Variants in GABRB2 observed in about 807,000 individuals in gnomAD.
The protein encoded by GABRB2 is gamma-aminobutyric acid type A receptor subunit beta2, also known as gamma-aminobutyric acid receptor subunit beta-2.
GABRB2 carries 16 observed loss-of-function variants against 54.7 expected under a neutral mutation model. The ratio of observed to expected loss-of-function variants is 0.29; its 90% CI spans 0.20 to 0.44. The LOEUF is 0.44. Ranked by LOEUF, GABRB2 falls within the 20% of genes least tolerant of loss-of-function variation. GABRB2 has a pLI of 1.00. For synonymous variants in GABRB2, 244 were observed against 233.8 expected (o/e 1.04, Z -0.40); for missense variants, 355 against 644.0 (o/e 0.55, Z 4.86).
At chr5:161,442,292 A>C (rs1167377623) in intron 4 of GABRB2, among the ~76,000 whole-genome samples, 2 of 152,226 alleles carry the variant, frequency 1.3e-5, no homozygotes, top group East Asian at 3.9e-4. Flanking sequence ...TTGAATAAGC[A>C]TATGAATGAA....
intron 3 of GABRB2, among the ~76,000 whole-genome samples, chr5:161,467,887 G>A (rs1159755049): frequency 6.6e-6 from 1 of 152,030 alleles, no homozygotes; most frequent in African/African-American, 2.4e-5. Flanking sequence ...AACTACAATT[G>A]CCTCTTACGT....
chr5:161,342,775 A>G (rs1754209938), intron 5 of GABRB2, among the ~76,000 whole-genome samples: 1 of 152,062 alleles, frequency 6.6e-6, no homozygotes, highest in Non-Finnish European at 1.5e-5. Context: ...TCTGATTTTT[A>G]GTGGGTTAAC....
chr5:161,443,842 A>G (rs778642894), intron 4 of GABRB2, among the ~76,000 whole-genome samples: 1 of 152,186 alleles, frequency 6.6e-6, no homozygotes, highest in South Asian at 2.1e-4. Flanking sequence ...TGAGTAGAGC[A>G]GTAATTTAGG....
chr5:161,417,256 C>T (rs979807409), intron 4 of GABRB2, among the ~76,000 whole-genome samples: 4 of 152,208 alleles, frequency 2.6e-5, no homozygotes, highest in Non-Finnish European at 4.4e-5. Context: ...CACTTTGGCA[C>T]TCTCACTAAT....
intron 5 of GABRB2, among the ~76,000 whole-genome samples, chr5:161,390,080 A>T (rs1353035225): frequency 6.6e-6 from 1 of 152,064 alleles, no homozygotes; most frequent in Non-Finnish European, 1.5e-5. Flanking sequence ...AGAAAGTGTG[A>T]AATCAATTTG....
At chr5:161,402,989 C>T (rs961381511) in intron 5 of GABRB2, among the ~76,000 whole-genome samples, 1 of 152,122 alleles carries the variant, frequency 6.6e-6, no homozygotes, top group South Asian at 2.1e-4. Context: ...TAATATGCAG[C>T]AAGGTTGAGA....
chr5:161,502,862 G>A lies in GABRB2; in HGVS notation c.237+42365C>T, dbSNP rs115014543. ...GAAGAAACTACAGAAATCTCCATAA[G>A]GTTTTTTCATTGAGACATGGCCAAA... On this transcript the variant is annotated intron_variant, in intron 3 of 9. Transcript: ENST00000393959. Among the ~76,000 whole-genome samples the A allele has an allele frequency of 6.2e-3, 947 of 152,280 alleles. 11 individuals carry two copies. The highest frequency in any genetic ancestry group is 0.021 in the African/African-American group (864 of 41,566).
intron 3 of GABRB2, among the ~76,000 whole-genome samples, chr5:161,472,166 T>C (rs185372487): frequency 2.0e-5 from 3 of 151,974 alleles, no homozygotes; most frequent in Non-Finnish European, 4.4e-5. Context: ...TTAATGTTTG[T>C]TATTATTATT....
At chr5:161,522,397 A>G (rs1295070017) in intron 3 of GABRB2, among the ~76,000 whole-genome samples, 1 of 151,808 alleles carries the variant, frequency 6.6e-6, no homozygotes, top group East Asian at 1.9e-4. Flanking sequence ...ATACCTCTAA[A>G]GCACTACAGA....
At chr5:161,458,550 G>C (rs936764382) in intron 4 of GABRB2, among the ~76,000 whole-genome samples, 1 of 152,214 alleles carries the variant, frequency 6.6e-6, no homozygotes, top group Non-Finnish European at 1.5e-5. Context: ...AAATAAAAAT[G>C]AGATAGAATA....
chr5:161,385,965 TG>T (rs1755618506), intron 5 of GABRB2, among the ~76,000 whole-genome samples: 1 of 149,090 alleles, frequency 6.7e-6, no homozygotes, highest in African/African-American at 2.5e-5. Flanking sequence ...TGTGTGTGTG[TG>T]TGTGTGTGTG....
At chr5:161,507,488 G>A (rs1012905746) in intron 3 of GABRB2, among the ~76,000 whole-genome samples, 4 of 152,044 alleles carry the variant, frequency 2.6e-5, no homozygotes, top group African/African-American at 9.7e-5. Context: ...TAAAAGTACT[G>A]AAGGATAAAA....
At position 161,444,546 on chromosome 5, in the gene GABRB2, T is replaced by C. The variant is rs1487483201; in HGVS notation, c.458+15078A>G. On this transcript the variant is annotated intron_variant, in intron 4 of 9. Coordinates refer to ENST00000393959, the MANE Select transcript of GABRB2 (RefSeq NM_001371727.1). ...AGTGATTGCAAATGATAACATAACA[T>C]AAGAAAATGCCATGCCAATGGAAAT... Among the ~76,000 whole-genome samples, 8 of 152,258 alleles carry C rather than the reference T, an allele frequency of 5.3e-5. No homozygotes were observed. In the East Asian group the frequency reaches 1.5e-3, roughly 29 times the overall value.
intron 9 of GABRB2, among the ~76,000 whole-genome samples, chr5:161,301,338 A>G (rs537954359): frequency 6.6e-6 from 1 of 152,234 alleles, no homozygotes; most frequent in Non-Finnish European, 1.5e-5. Context: ...GCCCTTTTAG[A>G]CTTGCCCAAA....
At chr5:161,415,815 G>A (rs1339668371) in intron 4 of GABRB2, among the ~76,000 whole-genome samples, 1 of 152,096 alleles carries the variant, frequency 6.6e-6, no homozygotes, top group East Asian at 1.9e-4. Flanking sequence ...GTTTCGCTAT[G>A]TTGGCCAACC....
chr5:161,505,109 CTTTTT>C (rs34388314), intron 3 of GABRB2, among the ~76,000 whole-genome samples: 1 of 135,562 alleles, frequency 7.4e-6, no homozygotes, highest in African/African-American at 2.7e-5. Flanking sequence ...TTTTCCTTTT[CTTTTT>C]TTTTTTTTTT....
intron 4 of GABRB2, among the ~76,000 whole-genome samples, chr5:161,429,613 G>A (rs950110418): frequency 3.3e-5 from 5 of 152,120 alleles, no homozygotes; most frequent in Non-Finnish European, 7.4e-5. Context: ...TTTAAACCTG[G>A]TGAAGGATGG....
chr5:161,497,889 T>A (rs910445636), intron 3 of GABRB2, among the ~76,000 whole-genome samples: 1 of 152,112 alleles, frequency 6.6e-6, no homozygotes, highest in Non-Finnish European at 1.5e-5. Context: ...GCTCTTGGAG[T>A]GCAGCTGTCA....
intron 3 of GABRB2, among the ~76,000 whole-genome samples, chr5:161,530,108 G>T (rs1455373246): frequency 1.3e-5 from 2 of 151,912 alleles, no homozygotes; most frequent in African/African-American, 4.8e-5. Context: ...GATTGAATTG[G>T]GTTTTAGTCT....
Sources: gnomAD v4.1 joint callset for allele counts (sites outside exome capture counted in the v4.1 genomes callset) on GRCh38, gnomAD v4.1.1 for gene constraint, MANE v1.5 for transcripts, NCBI Gene and HGNC (gene_info 2026-07-23, HGNC 2026-07-21) for gene names.